Variants in SCARB2 observed in about 807,000 individuals in gnomAD.
The protein encoded by SCARB2 is lysosome membrane protein 2.
A neutral mutation model predicts 58.6 loss-of-function variants in SCARB2; 29 were observed. The ratio of observed to expected loss-of-function variants is 0.49; its 90% CI spans 0.37 to 0.67. The LOEUF is 0.67. SCARB2 is among the 30% of genes least tolerant of loss of function. The pLI, the probability that SCARB2 is intolerant of heterozygous loss-of-function variation, is 0.00. For synonymous variants in SCARB2, 195 were observed against 210.1 expected, an observed-to-expected ratio of 0.93 and a Z score of 0.62; for missense variants, 488 against 578.5, an observed-to-expected ratio of 0.84 and a Z score of 1.60.
intron 10 of SCARB2, chr4:76,164,550 G>A: frequency 6.6e-6 from 1 of 152,226 alleles, no homozygotes; most frequent in South Asian, 2.1e-4. Flanking sequence ...CACGAGAATT[G>A]CTTGAACCCA....
intron 1 of SCARB2, among the ~76,000 whole-genome samples, chr4:76,205,349 A>AAAAATAAAAT (rs139457833): frequency 4.0e-5 from 6 of 151,576 alleles, no homozygotes; most frequent in African/African-American, 9.7e-5. Flanking sequence ...AAACAAAAAC[A>AAAAATAAAAT]AAAATAAAAT....
chr4:76,174,642 G>C (rs918202639), intron 6 of SCARB2: 2 of 319,194 alleles, frequency 6.3e-6, no homozygotes, highest in East Asian at 1.7e-4. Context: ...ACATATGCCA[G>C]TGTGGACGGG....
intron 1 of SCARB2, among the ~76,000 whole-genome samples, chr4:76,222,019 A>G (rs1484437534): frequency 6.6e-6 from 1 of 152,250 alleles, no homozygotes; most frequent in Non-Finnish European, 1.5e-5. Flanking sequence ...TCCACCTGGT[A>G]TACTAATATC....
intron 1 of SCARB2, among the ~76,000 whole-genome samples, chr4:76,209,530 A>G (rs1732997331): frequency 6.6e-6 from 1 of 151,980 alleles, no homozygotes; most frequent in African/African-American, 2.4e-5. Flanking sequence ...CACCATGCCT[A>G]GCTAATTTCT....
upstream of SCARB2, among the ~76,000 whole-genome samples, chr4:76,216,080 G>C (rs532484076): frequency 1.3e-5 from 2 of 152,226 alleles, no homozygotes; most frequent in Non-Finnish European, 2.9e-5. Context: ...TGATTCAACT[G>C]TCCCCAGCCT....
At chr4:76,176,402 A>T (rs769537838) in intron 5 of SCARB2, 35 bp downstream of exon 5, 2 of 1,481,976 alleles carry the variant, frequency 1.3e-6, no homozygotes, top group Non-Finnish European at 1.9e-6. Flanking sequence ...ATGAAAACTG[A>T]AAAAATAATT....
intron 1 of SCARB2, among the ~76,000 whole-genome samples, chr4:76,219,227 G>C (rs1237797645): frequency 3.3e-5 from 5 of 152,208 alleles, no homozygotes; most frequent in Non-Finnish European, 5.9e-5. Flanking sequence ...GCACAGGTTG[G>C]AATTAGTGTG....
At chr4:76,172,658 A>T (rs1054249625) in intron 7 of SCARB2, 12 of 151,194 alleles carry the variant, frequency 7.9e-5, no homozygotes, top group African/African-American at 2.9e-4. Context: ...CTTCAGACTT[A>T]TTCCAAAATG....
intron 10 of SCARB2, chr4:76,165,897 G>A: frequency 2.7e-6 from 1 of 366,958 alleles, no homozygotes. Flanking sequence ...AGAAGGGGGA[G>A]ACAAAGGGCT....
At chr4:76,179,349 C>T (rs1198296738) in intron 4 of SCARB2, 168 bp downstream of exon 4, 2 of 623,576 alleles carry the variant, frequency 3.2e-6, no homozygotes, top group South Asian at 1.9e-5. Flanking sequence ...CCACCGCACC[C>T]GGCCTCAAGT....
At chr4:76,213,091 A>G (rs1733093810) in intron 1 of SCARB2, 1 of 358,702 alleles carries the variant, frequency 2.8e-6, no homozygotes, top group South Asian at 2.3e-5. Flanking sequence ...CTGTTTCTTC[A>G]TGAAGTGGGA....
At chr4:76,199,793 T>G (rs930915705) in intron 1 of SCARB2, among the ~76,000 whole-genome samples, 4 of 152,084 alleles carry the variant, frequency 2.6e-5, no homozygotes, top group African/African-American at 4.8e-5. Flanking sequence ...AGCCCACAGG[T>G]GAGGAACCGA....
intron 11 of SCARB2, chr4:76,162,552 T>C (rs1731920712): frequency 6.5e-6 from 1 of 153,662 alleles, no homozygotes; most frequent in Admixed American, 6.5e-5. Context: ...TCCAGGAAAG[T>C]AACTACACCC....
At chr4:76,191,406 G>A (rs868757396) in intron 2 of SCARB2, among the ~76,000 whole-genome samples, 1 of 151,318 alleles carries the variant, frequency 6.6e-6, no homozygotes, top group African/African-American at 2.5e-5. Context: ...GGTGGGGCCT[G>A]GTAGGTGTTT....
intron 10 of SCARB2, chr4:76,165,991 C>A (rs917299274): frequency 1.8e-6 from 1 of 569,958 alleles, no homozygotes; most frequent in Non-Finnish European, 3.1e-6. Context: ...CTGTTTCCTA[C>A]GTGAGCAGCT....
At chr4:76,201,444 ATAAT>A (rs1194477313) in intron 1 of SCARB2, among the ~76,000 whole-genome samples, 7 of 152,192 alleles carry the variant, frequency 4.6e-5, no homozygotes, top group Non-Finnish European at 1.0e-4. Flanking sequence ...GACACAATAA[ATAAT>A]TAATGAAGAA....
chr4:76,169,798 T>G, intron 8 of SCARB2, 69 bp downstream of exon 8: 1 of 1,268,242 alleles, frequency 7.9e-7, no homozygotes. Flanking sequence ...GGCTCAGGAC[T>G]AAACTGGTGA....
intron 1 of SCARB2, among the ~76,000 whole-genome samples, chr4:76,205,541 T>C (rs2109967654): frequency 6.6e-6 from 1 of 152,298 alleles, no homozygotes; most frequent in South Asian, 2.1e-4. Context: ...GCCCTAAATA[T>C]GTACAATTTT....
chr4:76,225,098 T>G (rs1009452686), intron 1 of SCARB2, among the ~76,000 whole-genome samples: 2 of 152,200 alleles, frequency 1.3e-5, no homozygotes, highest in Non-Finnish European at 2.9e-5. Context: ...TCCACCCAGG[T>G]TGCTGCAAAT....
Sources: gnomAD v4.1 joint callset for allele counts (sites outside exome capture counted in the v4.1 genomes callset) on GRCh38, gnomAD v4.1.1 for gene constraint, MANE v1.5 for transcripts, NCBI Gene and HGNC (gene_info 2026-07-23, HGNC 2026-07-21) for gene names.